Variants in CHD1 observed in about 807,000 individuals in gnomAD.
The protein encoded by CHD1 is chromodomain helicase DNA binding protein 1.
A neutral mutation model predicts 224.2 loss-of-function variants in CHD1; 36 were observed. The ratio of observed to expected loss-of-function variants is 0.16; its 90% CI spans 0.12 to 0.21. The LOEUF (loss-of-function observed/expected upper bound fraction) is 0.21. CHD1 is among the 10% of genes least tolerant of loss of function. CHD1 has a pLI of 1.00. For synonymous variants in CHD1, 668 were observed against 658.3 expected (o/e 1.01, Z -0.23); for missense variants, 1,378 against 1,994.8 (o/e 0.69, Z 5.89).
At chr5:98,915,897 A>G (rs954385955) in intron 2 of CHD1, among the ~76,000 whole-genome samples, 22 of 152,204 alleles carry the variant, frequency 1.4e-4, no homozygotes, top group African/African-American at 5.3e-4. Flanking sequence ...GCCTACATTT[A>G]AAAGTTCAAT....
chr5:98,870,819 A>AT lies in CHD1; in HGVS notation c.3862-17dup, dbSNP rs769123507. 7.3e-6 allele frequency: 11 copies of AT among 1,502,096 alleles called. 1 individual carries two copies. In the Admixed American group the frequency reaches 1.2e-4, roughly 17 times the overall value. The allele number at this position is 1,502,096 out of a possible 1,614,324, so 93.0% of individuals were successfully genotyped here. The stretch of plus-strand genomic sequence containing the variant: ...CTGGAAGAATCTGAAAAAGCAATAA[A>AT]TTTTTTCAGATTGTCTTAATAAATA... On this transcript the variant is annotated splice_polypyrimidine_tract_variant and intron_variant, in intron 28 of 35. Transcript: ENST00000614616.
intron 2 of CHD1, among the ~76,000 whole-genome samples, chr5:98,922,817 C>G (rs1753191858): frequency 6.6e-6 from 1 of 152,062 alleles, no homozygotes; most frequent in Non-Finnish European, 1.5e-5. Context: ...GACGAAACAC[C>G]GTCTCTGCTA....
At chr5:98,872,613 ACAC>A in intron 26 of CHD1, 58 bp from the exon 27 acceptor site, 2 of 1,338,990 alleles carry the variant, frequency 1.5e-6, no homozygotes, top group South Asian at 1.2e-5. Context: ...ATTCTACAAA[ACAC>A]CAAGCAACTG....
At chr5:98,858,454 G>A (rs1413653055) in intron 34 of CHD1, 64 bp from the exon 35 acceptor site, 2 of 1,324,786 alleles carry the variant, frequency 1.5e-6, no homozygotes, top group African/African-American at 2.9e-5. Context: ...AAACTTAGTT[G>A]ATAGATAACA....
At chr5:98,925,729 G>A (rs1244067834) in intron 2 of CHD1, among the ~76,000 whole-genome samples, 1 of 151,996 alleles carries the variant, frequency 6.6e-6, no homozygotes, top group East Asian at 1.9e-4. Context: ...AAGGGCCACA[G>A]TAATATTTCA....
At chr5:98,865,532 C>T (rs904738018) in intron 31 of CHD1, among the ~76,000 whole-genome samples, 9 of 152,264 alleles carry the variant, frequency 5.9e-5, no homozygotes, top group Middle Eastern at 3.4e-3. Flanking sequence ...ATAGAAGAAA[C>T]TGAAACTTAG....
chr5:98,858,137 A>G (rs935114037), intron 35 of CHD1, 43 bp downstream of exon 35: 3 of 1,524,600 alleles, frequency 2.0e-6, no homozygotes, highest in Non-Finnish European at 2.7e-6. Context: ...ATAAGGAGAA[A>G]AACATGCATA....
Position 98,921,670 on chromosome 5 carries a change from G to A in CHD1, c.53+4664C>T, listed in dbSNP as rs181854097. Reference sequence around the variant, plus strand: ...AAACTGCACCATATATAACCAATCAGTCATCAAGATCTTAAACAAGCAGCT... The same window carrying A: ...AAACTGCACCATATATAACCAATCAATCATCAAGATCTTAAACAAGCAGCT... On this transcript the variant is annotated intron_variant, in intron 2 of 35. Transcript: ENST00000614616. Among the ~76,000 whole-genome samples the A allele has an allele frequency of 5.3e-5, 8 of 152,208 alleles. No individual in the cohort carries two copies. In the East Asian group the frequency reaches 1.5e-3, roughly 29 times the overall value.
At chr5:98,914,022 C>T (rs1467033517) in intron 2 of CHD1, among the ~76,000 whole-genome samples, 1 of 152,062 alleles carries the variant, frequency 6.6e-6, no homozygotes, top group African/African-American at 2.4e-5. Context: ...AAACAACCAT[C>T]CCCCCAGTTT....
chr5:98,885,561 A>G lies in CHD1; in HGVS notation c.2568+17T>C, dbSNP rs773819178. 1.4e-6 allele frequency: 2 copies of G among 1,472,512 alleles called. No homozygotes were observed. Among genetic ancestry groups the G allele is most frequent in the Non-Finnish European group, 1.9e-6 (2 of 1,069,114 alleles). 91.2% of individuals were successfully genotyped at this position (1,472,512 alleles called of 1,614,324 possible). On this transcript the variant is annotated intron_variant, in intron 18 of 35. Coordinates refer to ENST00000614616, the MANE Select transcript of CHD1 (RefSeq NM_001270.4). Reference sequence around the variant, plus strand: ...TAAATCAAAATTATTTATAATTTTAAAAGCACTAATACATACCTCTGATCC... The same window carrying G: ...TAAATCAAAATTATTTATAATTTTAGAAGCACTAATACATACCTCTGATCC...
chr5:98,927,525 A>C (rs1385849938), intron 1 of CHD1, among the ~76,000 whole-genome samples: 1 of 152,232 alleles, frequency 6.6e-6, no homozygotes, highest in Admixed American at 6.5e-5. Context: ...CAAAGTCTGC[A>C]TCTGGATCAG....
chr5:98,901,178 G>A lies in CHD1; in HGVS notation c.587+8C>T, dbSNP rs756569954. 1 of 1,609,160 alleles carries A rather than the reference G, an allele frequency of 6.2e-7. No homozygotes were observed. Among genetic ancestry groups the A allele is most frequent in the Admixed American group, 1.7e-5 (1 of 58,872 alleles). On this transcript the variant is annotated splice_region_variant and intron_variant, in intron 6 of 35. Coordinates refer to ENST00000614616, the MANE Select transcript of CHD1 (RefSeq NM_001270.4). ...CAATCAATTTTCAGCACCAAACTGA[G>A]ACCATACCTATTTTGAGGTTTTCTG...
intron 2 of CHD1, among the ~76,000 whole-genome samples, chr5:98,918,986 T>C (rs915630369): frequency 2.0e-5 from 3 of 152,230 alleles, no homozygotes; most frequent in Non-Finnish European, 2.9e-5. Context: ...ATATACTCAA[T>C]TGCATATTTA....
At chr5:98,863,296 T>C in intron 32 of CHD1, 112 bp downstream of exon 32, 1 of 594,502 alleles carries the variant, frequency 1.7e-6, no homozygotes, top group Non-Finnish European at 2.6e-6. Flanking sequence ...GTAGGTTACC[T>C]CTTTAAAAAT....
intron 2 of CHD1, among the ~76,000 whole-genome samples, chr5:98,909,358 A>G (rs1752245489): frequency 1.3e-5 from 2 of 152,156 alleles, no homozygotes; most frequent in Admixed American, 6.5e-5. Flanking sequence ...GTTCTTCTTG[A>G]CAAGAATAGT....
intron 2 of CHD1, among the ~76,000 whole-genome samples, chr5:98,917,295 G>GAAACAAAAAAAAAA (rs1174019869): frequency 1.3e-4 from 4 of 30,856 alleles, no homozygotes; most frequent in South Asian, 1.1e-3. Context: ...CAAAAACAAA[G>GAAACAAAAAAAAAA]AAACAAAAAA....
chr5:98,880,224 T>C (rs17675961), intron 22 of CHD1, among the ~76,000 whole-genome samples: 2,435 of 152,278 alleles, frequency 0.016, 25 homozygotes, highest in Middle Eastern at 0.088. Flanking sequence ...AGGTCTGGTA[T>C]ACAGAAAGCA....
chr5:98,870,806 G>A lies in CHD1; in HGVS notation c.3862-3C>T. On this transcript the variant is annotated splice_polypyrimidine_tract_variant and splice_region_variant and intron_variant, in intron 28 of 35. Transcript: ENST00000614616. ...TTATCGGGATCATCTGGAAGAATCT[G>A]AAAAAGCAATAAATTTTTTCAGATT... is the stretch of plus-strand genomic sequence containing the variant. 6.3e-7 allele frequency: 1 copy of A among 1,591,156 alleles called. No individual in the cohort carries two copies. Among genetic ancestry groups the A allele is most frequent in the Non-Finnish European group, 8.6e-7 (1 of 1,163,536 alleles).
At chr5:98,874,901 G>T (rs1749635171) in intron 25 of CHD1, among the ~76,000 whole-genome samples, 171 bp downstream of exon 25, 2 of 152,142 alleles carry the variant, frequency 1.3e-5, no homozygotes, top group African/African-American at 4.8e-5. Context: ...ATTAAACACA[G>T]TATAAAAACA....
Sources: allele counts gnomAD v4.1 joint callset (sites outside exome capture counted in the v4.1 genomes callset), GRCh38; gene constraint gnomAD v4.1.1; transcripts MANE v1.5; gene names NCBI Gene and HGNC (gene_info 2026-07-23, HGNC 2026-07-21).